SLC25A12: variants seen among roughly 807,000 people sequenced by gnomAD.
SLC25A12 encodes the protein solute carrier family 25 member 12.
In SLC25A12, 32 loss-of-function variants were observed where a neutral mutation model predicts 83.3. That is an observed-to-expected ratio of 0.38 (90% confidence interval 0.29 to 0.52). The LOEUF (loss-of-function observed/expected upper bound fraction) is 0.52, where lower values mean the gene tolerates loss of function less well. SLC25A12 is among the 20% of genes least tolerant of loss of function. The pLI is 0.84. For missense variants in SLC25A12, 611 were observed against 835.6 expected (o/e 0.73, Z 3.31); for synonymous variants, 267 against 291.1 (o/e 0.92, Z 0.84).
chr2:171,840,246 A>G (rs922507510), intron 5 of SLC25A12, among the ~76,000 whole-genome samples: 3 of 152,030 alleles, frequency 2.0e-5, no homozygotes, highest in African/African-American at 7.2e-5. Context: ...TTAGGCAGGC[A>G]TGGTGGCACA....
chr2:171,892,357 C>G (rs1417085311), intron 2 of SLC25A12, among the ~76,000 whole-genome samples: 2 of 152,034 alleles, frequency 1.3e-5, no homozygotes, highest in Non-Finnish European at 2.9e-5. Context: ...TCCCGAGTAG[C>G]TGGGACTACA....
chr2:171,831,739 A>C (rs773028401), intron 8 of SLC25A12, among the ~76,000 whole-genome samples: 7 of 152,108 alleles, frequency 4.6e-5, no homozygotes, highest in Admixed American at 6.5e-5. Context: ...TCGCTACTAA[A>C]AATACAAAAA....
chr2:171,788,208 G>A lies in SLC25A12; in HGVS notation c.1586-261C>T, dbSNP rs1690526082. 7 of 377,244 alleles carry A rather than the reference G, an allele frequency of 1.9e-5. No homozygotes were observed. The South Asian group carries it at 2.4e-4, about 13-fold the overall frequency. The allele number at this position is 377,244 out of a possible 1,614,324, so 23.4% of individuals were successfully genotyped here. On this transcript the variant is annotated intron_variant, in intron 15 of 17. Coordinates refer to ENST00000422440, the MANE Select transcript of SLC25A12 (RefSeq NM_003705.5). ...TGCATGATCCCAAATAACTGTGAGAGAGAAAAAAAAAGTAGCAATATTAAT... is the reference window on the plus strand; with the variant it reads ...TGCATGATCCCAAATAACTGTGAGAAAGAAAAAAAAAGTAGCAATATTAAT...
intron 13 of SLC25A12, among the ~76,000 whole-genome samples, chr2:171,804,928 G>A (rs1683791422): frequency 6.6e-6 from 1 of 152,210 alleles, no homozygotes; most frequent in Non-Finnish European, 1.5e-5. Context: ...GGAAGATTGA[G>A]AAGTGATAGC....
At chr2:171,859,964 C>T (rs539525884) in intron 3 of SLC25A12, among the ~76,000 whole-genome samples, 106 of 152,122 alleles carry the variant, frequency 7.0e-4, no homozygotes, top group Middle Eastern at 3.4e-3. Context: ...AACGGGGTTC[C>T]ACCATGTTAG....
intron 15 of SLC25A12, among the ~76,000 whole-genome samples, chr2:171,789,238 C>CTT (rs912606831): frequency 6.7e-6 from 1 of 149,336 alleles, no homozygotes; most frequent in Non-Finnish European, 1.5e-5. Context: ...GCCTGACTCT[C>CTT]TTTTTTTTTT....
chr2:171,863,529 C>CAAAAAAAAA (rs56272846), intron 3 of SLC25A12, among the ~76,000 whole-genome samples: 1 of 128,388 alleles, frequency 7.8e-6, no homozygotes. Context: ...CCGTCTCCGA[C>CAAAAAAAAA]AAAAAAAAAA....
intron 16 of SLC25A12, 26 bp from the exon 17 acceptor site, chr2:171,787,687 G>A (rs540738709): frequency 1.2e-6 from 2 of 1,611,014 alleles, no homozygotes; most frequent in East Asian, 2.2e-5. Context: ...AGGGGCAGGG[G>A]AGACTTGAAA....
chr2:171,794,413 T>C (rs1683554722), intron 13 of SLC25A12, among the ~76,000 whole-genome samples: 1 of 152,188 alleles, frequency 6.6e-6, no homozygotes, highest in Non-Finnish European at 1.5e-5. Context: ...TTCAGTATCA[T>C]TTCAAGACAA....
At chr2:171,815,247 C>T (rs1684028009) in intron 9 of SLC25A12, 45 bp from the exon 10 acceptor site, 1 of 1,329,158 alleles carries the variant, frequency 7.5e-7, no homozygotes, top group South Asian at 1.2e-5. Flanking sequence ...AAAGCGCACA[C>T]AGCAAGTGAA....
intron 13 of SLC25A12, among the ~76,000 whole-genome samples, chr2:171,799,741 CACTACTA>C (rs1683671376): frequency 6.6e-6 from 1 of 152,202 alleles, no homozygotes; most frequent in African/African-American, 2.4e-5. Context: ...AGGTCTTGTG[CACTACTA>C]ACTCATTTGA....
chr2:171,847,296 T>C (rs1684818571), intron 4 of SLC25A12, among the ~76,000 whole-genome samples: 1 of 152,228 alleles, frequency 6.6e-6, no homozygotes, highest in South Asian at 2.1e-4. Context: ...CAGAAATAAT[T>C]AGTAGAACTA....
intron 9 of SLC25A12, among the ~76,000 whole-genome samples, chr2:171,819,395 T>C (rs1684133656): frequency 1.3e-5 from 1 of 78,006 alleles, no homozygotes; most frequent in South Asian, 4.7e-4. Flanking sequence ...ATATATATTA[T>C]ATAATTATAT....
intron 2 of SLC25A12, among the ~76,000 whole-genome samples, chr2:171,875,468 A>G (rs1212963855): frequency 6.6e-6 from 1 of 152,174 alleles, no homozygotes; most frequent in Non-Finnish European, 1.5e-5. Flanking sequence ...ACATAAAGAC[A>G]GGAACAATAG....
chr2:171,805,142 T>C (rs1295796046), intron 13 of SLC25A12, among the ~76,000 whole-genome samples: 1 of 151,166 alleles, frequency 6.6e-6, no homozygotes, highest in Admixed American at 6.6e-5. Flanking sequence ...AGAGTCTCAC[T>C]CTGTTGCCCA....
At chr2:171,795,258 C>T (rs1410082026) in intron 13 of SLC25A12, among the ~76,000 whole-genome samples, 1 of 152,224 alleles carries the variant, frequency 6.6e-6, no homozygotes, top group Non-Finnish European at 1.5e-5. Context: ...ATCCAGACCA[C>T]TGGCACACAG....
chr2:171,785,389 A>T lies in SLC25A12; in HGVS notation c.1922T>A (p.Leu641His), dbSNP rs1440456224. ...GATGCCTGCAAACGTGGCTGTGGCG[A>T]GTCTGTATCCACCGATGTGATCAGG... is the stretch of plus-strand genomic sequence containing the variant. ...ANPDHIGGYR[L>H]ATATFAGIEN... Residue 641 changes from leucine (L) to histidine (H), a missense_variant, in exon 18 of 18, where the codon CTC becomes CAC. Physicochemically the swap from Leu to His is moderately conservative, Grantham distance 99 (BLOSUM62 -3). Coordinates refer to ENST00000422440, the MANE Select transcript of SLC25A12 (RefSeq NM_003705.5). 1 of 1,614,194 alleles carries T rather than the reference A, an allele frequency of 6.2e-7. No individual in the cohort carries two copies. Among genetic ancestry groups the T allele is most frequent in the South Asian group, 1.1e-5 (1 of 91,084 alleles).
chr2:171,878,192 A>C (rs1174099356), intron 2 of SLC25A12, among the ~76,000 whole-genome samples: 2 of 152,180 alleles, frequency 1.3e-5, no homozygotes, highest in African/African-American at 2.4e-5. Flanking sequence ...AGATGATGGC[A>C]CGACGGACAC....
chr2:171,878,596 T>G (rs141324296), intron 2 of SLC25A12, among the ~76,000 whole-genome samples: 1 of 152,314 alleles, frequency 6.6e-6, no homozygotes, highest in African/African-American at 2.4e-5. Flanking sequence ...GGCAGCTTTA[T>G]CTCTGTCTAA....
Sources: gnomAD v4.1 joint callset for allele counts (sites outside exome capture counted in the v4.1 genomes callset) on GRCh38, gnomAD v4.1.1 for gene constraint, MANE v1.5 for transcripts, NCBI Gene and HGNC (gene_info 2026-07-23, HGNC 2026-07-21) for gene names.